The following SGCZ variants were observed in gnomAD, a reference collection of about 807,000 sequenced individuals.
SGCZ encodes zeta-sarcoglycan.
SGCZ carries 40 observed loss-of-function variants against 41.3 expected under a neutral mutation model. That is an observed-to-expected ratio of 0.97 (90% CI 0.75 to 1.26). SGCZ has a LOEUF of 1.26. SGCZ is among the 50% of genes most tolerant of loss of function. SGCZ has a pLI of 0.00. For missense variants in SGCZ, 552 were observed against 369.8 expected (o/e 1.49, Z -4.04); for synonymous variants, 206 against 137.5 (o/e 1.50, Z -3.49).
intron 1 of SGCZ, among the ~76,000 whole-genome samples, chr8:15,115,197 CCTT>C: frequency 6.6e-6 from 1 of 152,154 alleles, no homozygotes; most frequent in East Asian, 1.9e-4. Flanking sequence ...TGGTGTGCTG[CCTT>C]CTTTACACAT....
intron 2 of SGCZ, among the ~76,000 whole-genome samples, chr8:14,553,607 G>C (rs909218131): frequency 2.0e-5 from 3 of 152,000 alleles, no homozygotes; most frequent in African/African-American, 7.2e-5. Context: ...GGAAGGTTAA[G>C]CCACCTGCCC....
chr8:14,975,809 A>ATATATATATATGTGTGTG (rs1181919961), intron 1 of SGCZ, among the ~76,000 whole-genome samples: 2 of 131,920 alleles, frequency 1.5e-5, no homozygotes, highest in Admixed American at 7.6e-5. Flanking sequence ...ATATATATAT[A>ATATATATATATGTGTGTG]TGTGTGTGTG....
At chr8:14,780,723 T>G (rs545018470) in intron 1 of SGCZ, among the ~76,000 whole-genome samples, 1 of 152,338 alleles carries the variant, frequency 6.6e-6, no homozygotes, top group African/African-American at 2.4e-5. Context: ...GGACTGATTT[T>G]GTTTTTTAAC....
At chr8:14,712,943 GC>G (rs1182194741) in intron 1 of SGCZ, among the ~76,000 whole-genome samples, 1 of 151,966 alleles carries the variant, frequency 6.6e-6, no homozygotes, top group Non-Finnish European at 1.5e-5. Context: ...GAGCAGTAGG[GC>G]CAAGACACAA....
At chr8:15,089,109 T>A (rs1455408701) in intron 1 of SGCZ, among the ~76,000 whole-genome samples, 1 of 152,142 alleles carries the variant, frequency 6.6e-6, no homozygotes, top group East Asian at 1.9e-4. Context: ...AAAATGTTGG[T>A]TTATGGCCAT....
At position 14,468,319 on chromosome 8, in the gene SGCZ, T is replaced by C. The variant is rs545444043; in HGVS notation, c.234+86413A>G. On this transcript the variant is annotated intron_variant, in intron 2 of 7. Coordinates refer to ENST00000382080, the MANE Select transcript of SGCZ (RefSeq NM_139167.4). ...AGAACAAAAACCATATGAAAATGAC[T>C]ACCCTTATCTTTAGAGCACAAGCAT... 3.2e-4 allele frequency among the ~76,000 whole-genome samples: 49 copies of C among 152,224 alleles called. No individual in the cohort carries two copies. The South Asian group carries it at 9.9e-3, about 31-fold the overall frequency.
At chr8:14,286,810 A>G (rs1283904956) in intron 3 of SGCZ, among the ~76,000 whole-genome samples, 1 of 152,120 alleles carries the variant, frequency 6.6e-6, no homozygotes, top group African/African-American at 2.4e-5. Flanking sequence ...AGATACCCAT[A>G]AAATTGTTTC....
intron 1 of SGCZ, among the ~76,000 whole-genome samples, chr8:14,615,692 A>G (rs1268992425): frequency 6.6e-6 from 1 of 152,150 alleles, no homozygotes; most frequent in African/African-American, 2.4e-5. Context: ...TTTTGGGGAA[A>G]TGTCCTTAAA....
intron 1 of SGCZ, among the ~76,000 whole-genome samples, chr8:14,651,139 A>AATTG (rs1185227462): frequency 6.6e-6 from 1 of 152,054 alleles, no homozygotes; most frequent in Non-Finnish European, 1.5e-5. Context: ...ATGTTACTAT[A>AATTG]ATTGATATCA....
chr8:14,516,263 C>T (rs1802617480), intron 2 of SGCZ, among the ~76,000 whole-genome samples: 1 of 151,950 alleles, frequency 6.6e-6, no homozygotes, highest in African/African-American at 2.4e-5. Context: ...TCGCAGTACT[C>T]AGTAGGTACT....
At chr8:14,412,155 G>A (rs1029448977) in intron 2 of SGCZ, among the ~76,000 whole-genome samples, 2 of 152,076 alleles carry the variant, frequency 1.3e-5, no homozygotes, top group African/African-American at 4.8e-5. Flanking sequence ...ATGAGAAATA[G>A]TAATGTAAAG....
intron 2 of SGCZ, among the ~76,000 whole-genome samples, chr8:14,413,968 T>C (rs1799428192): frequency 6.6e-6 from 1 of 151,986 alleles, no homozygotes; most frequent in African/African-American, 2.4e-5. Context: ...CTTCTCCTAT[T>C]GTTCTTTAGA....
chr8:14,137,490 C>G (rs529960782), intron 5 of SGCZ, among the ~76,000 whole-genome samples: 2 of 152,188 alleles, frequency 1.3e-5, no homozygotes, highest in East Asian at 3.9e-4. Flanking sequence ...CTTAAATGAC[C>G]TGATGGAGCT....
intron 1 of SGCZ, among the ~76,000 whole-genome samples, chr8:15,230,413 A>G (rs932095324): frequency 5.3e-5 from 8 of 152,168 alleles, no homozygotes; most frequent in Admixed American, 2.0e-4. Flanking sequence ...TTATTCTACT[A>G]TCTGTTAACC....
intron 1 of SGCZ, among the ~76,000 whole-genome samples, chr8:14,633,962 C>A (rs941786302): frequency 2.6e-5 from 4 of 151,792 alleles, no homozygotes; most frequent in Non-Finnish European, 2.9e-5. Flanking sequence ...TACTAACAGT[C>A]CTTCTGCACT....
intron 1 of SGCZ, among the ~76,000 whole-genome samples, chr8:14,871,892 ATATGTATG>A (rs60883491): frequency 3.9e-4 from 58 of 150,378 alleles, no homozygotes; most frequent in African/African-American, 1.4e-3. Context: ...ATGTATGTAT[ATATGTATG>A]TATGTATGTA....
At chr8:14,897,080 C>T (rs188849037) in intron 1 of SGCZ, among the ~76,000 whole-genome samples, 1 of 152,070 alleles carries the variant, frequency 6.6e-6, no homozygotes, top group Non-Finnish European at 1.5e-5. Context: ...CCGTGCCTGG[C>T]CCTGGCTGAC....
At chr8:14,747,584 T>C (rs980274919) in intron 1 of SGCZ, among the ~76,000 whole-genome samples, 3 of 152,044 alleles carry the variant, frequency 2.0e-5, no homozygotes, top group African/African-American at 7.2e-5. Context: ...TAATTTGTTA[T>C]AATTTTTTTC....
At chr8:14,452,411 A>G (rs1800621275) in intron 2 of SGCZ, among the ~76,000 whole-genome samples, 2 of 152,074 alleles carry the variant, frequency 1.3e-5, no homozygotes, top group Admixed American at 6.6e-5. Flanking sequence ...GTCCTAACTC[A>G]AAGAATGTGC....
Sources: gnomAD v4.1 joint callset for allele counts (sites outside exome capture counted in the v4.1 genomes callset) on GRCh38, gnomAD v4.1.1 for gene constraint, MANE v1.5 for transcripts, NCBI Gene and HGNC (gene_info 2026-07-23, HGNC 2026-07-21) for gene names.